STAG1: variants seen among roughly 807,000 people sequenced by gnomAD.
STAG1 encodes cohesin subunit SA-1.
Under a neutral mutation model 170.9 loss-of-function variants are expected in STAG1, and 26 were observed. The ratio of observed to expected loss-of-function variants is 0.15; its 90% CI spans 0.11 to 0.21. STAG1 has a LOEUF of 0.21. STAG1 is among the 10% of genes least tolerant of loss of function. STAG1 has a pLI of 1.00. For missense variants in STAG1, 964 were observed against 1,509.5 expected (o/e 0.64, Z 5.99); for synonymous variants, 514 against 497.7 (o/e 1.03, Z -0.44).
intron 16 of STAG1, among the ~76,000 whole-genome samples, chr3:136,426,411 A>AAAAC (rs527642737): frequency 1.8e-4 from 27 of 152,164 alleles, no homozygotes; most frequent in East Asian, 1.2e-3. Flanking sequence ...CTCCGTCTCA[A>AAAAC]AAACAAACAA....
intron 1 of STAG1, among the ~76,000 whole-genome samples, chr3:136,723,397 G>A (rs1262308584): frequency 6.8e-6 from 1 of 147,344 alleles, no homozygotes; most frequent in Admixed American, 6.7e-5. Context: ...CCGTCTGGGA[G>A]GTGAGGAGCG....
At chr3:136,381,041 A>C (rs568555369) in intron 22 of STAG1, among the ~76,000 whole-genome samples, 7 of 151,674 alleles carry the variant, frequency 4.6e-5, no homozygotes, top group Non-Finnish European at 1.0e-4. Flanking sequence ...AAAAAAGAAA[A>C]AAAAAAAAAA....
Position 136,338,431 on chromosome 3 carries a change from C to T in STAG1, c.3692G>A (p.Arg1231Gln), listed in dbSNP as rs1935793739. 3 of 1,613,750 alleles carry T rather than the reference C, an allele frequency of 1.9e-6. No individual in the cohort carries two copies. Among genetic ancestry groups the T allele is most frequent in the African/African-American group, 1.3e-5 (1 of 74,898 alleles). ...VIDLPPSRNR[R>Q]ERAELRPDFF... ...GTCTGGCCTTAGCTCAGCTCTCTCT[C>T]GCCGATTTCTTGATGGAGGCTGGAA... The change falls in exon 33 of 34, where the codon CGA (arginine) becomes CAA (glutamine). Residue 1231 changes from arginine to glutamine, a missense_variant. Physicochemically the swap from Arg to Gln is conservative, Grantham distance 43. This residue lies in a region of STAG1 where 59 missense variants were observed against 104.2 expected (regional missense o/e 0.57). Coordinates refer to ENST00000383202, the MANE Select transcript of STAG1 (RefSeq NM_005862.3).
Position 136,422,263 on chromosome 3 carries a change from C to T in STAG1, c.2037+147G>A, listed in dbSNP as rs2087981229. ...AACCAAGGCTGATCTTTATAGAATACACAATTGTAATAAGGTTGCTAAGTT... is the reference window on the plus strand; with the variant it reads ...AACCAAGGCTGATCTTTATAGAATATACAATTGTAATAAGGTTGCTAAGTT... On this transcript the variant is annotated intron_variant, in intron 19 of 33. Transcript: ENST00000383202. 2.6e-5 allele frequency: 16 copies of T among 619,368 alleles called. No homozygotes were observed. In the South Asian group the frequency reaches 3.5e-4, roughly 14 times the overall value. 38.4% of individuals were successfully genotyped at this position (619,368 alleles called of 1,614,324 possible).
intron 6 of STAG1, among the ~76,000 whole-genome samples, chr3:136,521,912 C>A (rs571212546): frequency 6.6e-6 from 1 of 152,240 alleles, no homozygotes; most frequent in South Asian, 2.1e-4. Context: ...ATCCTAAATT[C>A]CAACCAAATT....
intron 1 of STAG1, among the ~76,000 whole-genome samples, chr3:136,636,679 C>CA (rs1372114853): frequency 1.3e-5 from 2 of 152,076 alleles, no homozygotes; most frequent in African/African-American, 2.4e-5. Flanking sequence ...CTTCTGGTCA[C>CA]AAAAAAATCA....
At chr3:136,543,543 T>C (rs1400335918) in intron 5 of STAG1, among the ~76,000 whole-genome samples, 1 of 152,184 alleles carries the variant, frequency 6.6e-6, no homozygotes, top group Non-Finnish European at 1.5e-5. Flanking sequence ...ACAACATACG[T>C]TAGAAGCCTC....
chr3:136,559,116 C>T (rs2107748702), intron 5 of STAG1, among the ~76,000 whole-genome samples: 1 of 134,804 alleles, frequency 7.4e-6, no homozygotes, highest in Admixed American at 7.8e-5. Context: ...AAAGATAACA[C>T]TGAACTACCT....
intron 4 of STAG1, among the ~76,000 whole-genome samples, chr3:136,594,547 T>C (rs1938331603): frequency 1.3e-5 from 2 of 152,212 alleles, no homozygotes; most frequent in South Asian, 2.1e-4. Flanking sequence ...GAGTTCCTTA[T>C]TCACATAAGC....
At chr3:136,434,291 T>C (rs893673122) in intron 15 of STAG1, among the ~76,000 whole-genome samples, 1 of 152,178 alleles carries the variant, frequency 6.6e-6, no homozygotes, top group Non-Finnish European at 1.5e-5. Flanking sequence ...TTATTTATTA[T>C]AATTTATATC....
At chr3:136,403,254 GAAAAGAAAAGAAAAAA>G (rs2087388001) in intron 21 of STAG1, among the ~76,000 whole-genome samples, 1 of 74,420 alleles carries the variant, frequency 1.3e-5, no homozygotes, top group Non-Finnish European at 2.7e-5. Context: ...AAAAAAAAAA[GAAAAGAAAAGAAAAAA>G]AAAAGAAAAA....
chr3:136,360,401 T>G lies in STAG1; in HGVS notation c.2788-1105A>C, dbSNP rs1235665389. On this transcript the variant is annotated intron_variant, in intron 26 of 33. Transcript: ENST00000383202. The stretch of plus-strand genomic sequence containing the variant: ...ATACTCTTAACTTCTTGACCCCATT[T>G]CCTCTGCCAGCTACTAACCCATTTC... Among the ~76,000 whole-genome samples, 3 of 152,172 alleles carry G rather than the reference T, an allele frequency of 2.0e-5. No individual in the cohort carries two copies. In the East Asian group the frequency reaches 5.8e-4, roughly 29 times the overall value.
intron 12 of STAG1, 112 bp downstream of exon 12, chr3:136,472,301 C>A (rs543528614): frequency 1.3e-5 from 7 of 558,166 alleles, no homozygotes; most frequent in African/African-American, 5.9e-5. Context: ...AAAAGTTGAA[C>A]CTAAAATGAT....
At chr3:136,590,325 A>T (rs1005960676) in intron 4 of STAG1, among the ~76,000 whole-genome samples, 3 of 151,646 alleles carry the variant, frequency 2.0e-5, no homozygotes, top group African/African-American at 7.3e-5. Context: ...TCTACCAAAA[A>T]AAATACACAC....
intron 6 of STAG1, among the ~76,000 whole-genome samples, chr3:136,533,581 G>T (rs183644736): frequency 2.0e-5 from 3 of 152,142 alleles, no homozygotes; most frequent in African/African-American, 7.2e-5. Flanking sequence ...GAGAGAAGGA[G>T]CAAGGGGGCA....
chr3:136,442,205 C>T (rs1024271257), intron 15 of STAG1, among the ~76,000 whole-genome samples: 2 of 152,056 alleles, frequency 1.3e-5, no homozygotes, highest in South Asian at 2.1e-4. Flanking sequence ...CACACACACA[C>T]ACAAAAATTT....
At chr3:136,738,892 CCATAAA>C (rs986222488) in intron 1 of STAG1, among the ~76,000 whole-genome samples, 9 of 152,116 alleles carry the variant, frequency 5.9e-5, no homozygotes, top group South Asian at 4.1e-4. Flanking sequence ...AAGTTATTCA[CCATAAA>C]CATAATTTGT....
At chr3:136,567,794 C>T (rs565037017) in intron 5 of STAG1, among the ~76,000 whole-genome samples, 1 of 152,276 alleles carries the variant, frequency 6.6e-6, no homozygotes, top group Admixed American at 6.5e-5. Context: ...ATTAAATGAG[C>T]TAATGTATGT....
chr3:136,486,392 T>C (rs892833123), intron 9 of STAG1, among the ~76,000 whole-genome samples: 3 of 152,202 alleles, frequency 2.0e-5, no homozygotes, highest in Admixed American at 2.0e-4. Flanking sequence ...TCTACTGGGA[T>C]GTCCAAATAA....
Sources: gnomAD v4.1 joint callset for allele counts (sites outside exome capture counted in the v4.1 genomes callset) on GRCh38, gnomAD v4.1.1 for gene constraint, gnomAD v4.1.1 regional missense constraint, MANE v1.5 for transcripts, NCBI Gene and HGNC (gene_info 2026-07-23, HGNC 2026-07-21) for gene names.